Variants in CPQ observed in about 807,000 individuals in gnomAD.
CPQ encodes carboxypeptidase Q.
CPQ carries 37 observed loss-of-function variants against 45.7 expected under a neutral mutation model. The ratio of observed to expected loss-of-function variants is 0.81; its 90% CI spans 0.62 to 1.07. The LOEUF (loss-of-function observed/expected upper bound fraction) is 1.07. Ranked by LOEUF, CPQ falls within the 50% of genes least tolerant of loss-of-function variation. CPQ has a pLI of 0.00. For synonymous variants in CPQ, 186 were observed against 205.8 expected, an observed-to-expected ratio of 0.90 and a Z score of 0.82; for missense variants, 537 against 572.9, an observed-to-expected ratio of 0.94 and a Z score of 0.64.
intron 1 of CPQ, among the ~76,000 whole-genome samples, chr8:96,691,565 G>A (rs1222475150): frequency 6.6e-6 from 1 of 152,056 alleles, no homozygotes. Context: ...ACACTGTTCT[G>A]GGGGTTTCAG....
At position 97,072,811 on chromosome 8, in the gene CPQ, G is replaced by A. The variant is rs1184770016; in HGVS notation, c.1255+6601G>A. Among the ~76,000 whole-genome samples the A allele has an allele frequency of 1.3e-4, 20 of 152,076 alleles. 1 individual carries two copies. The highest frequency in any genetic ancestry group is 5.2e-4 in the Admixed American group (8 of 15,258). On this transcript the variant is annotated intron_variant, in intron 7 of 7. Coordinates refer to ENST00000220763, the MANE Select transcript of CPQ (RefSeq NM_016134.4). ...GAGTAAATGTCCCCTGGGTACACTC[G>A]TACAATGCCCTGTGTTCACCTCTCC...
chr8:97,107,835 G>C (rs1444535405), intron 7 of CPQ, among the ~76,000 whole-genome samples: 1 of 151,338 alleles, frequency 6.6e-6, no homozygotes, highest in Admixed American at 6.6e-5. Context: ...ATCCAGTAGA[G>C]TGGGAAATAG....
chr8:96,886,931 C>G (rs1586438856), intron 4 of CPQ, among the ~76,000 whole-genome samples: 1 of 152,150 alleles, frequency 6.6e-6, no homozygotes, highest in Non-Finnish European at 1.5e-5. Context: ...CTTAGAGCAC[C>G]CCTGAAGGAG....
intron 5 of CPQ, among the ~76,000 whole-genome samples, chr8:96,986,350 T>C (rs113692312): frequency 0.026 from 3,909 of 152,316 alleles, 110 homozygotes; most frequent in African/African-American, 0.072. Flanking sequence ...TATGGTTTAT[T>C]AGTGATTCTT....
intron 5 of CPQ, among the ~76,000 whole-genome samples, chr8:96,974,701 T>C (rs1356936962): frequency 6.6e-6 from 1 of 151,996 alleles, no homozygotes; most frequent in Non-Finnish European, 1.5e-5. Flanking sequence ...CGAAATCAAC[T>C]CCAAGAGGAA....
At chr8:97,109,930 T>A (rs1224255587) in intron 7 of CPQ, among the ~76,000 whole-genome samples, 3 of 152,164 alleles carry the variant, frequency 2.0e-5, no homozygotes, top group Non-Finnish European at 4.4e-5. Flanking sequence ...TGGAGCCTTC[T>A]TGAGGCAGCA....
chr8:97,061,000 C>T (rs138243713), intron 6 of CPQ, among the ~76,000 whole-genome samples: 36 of 152,202 alleles, frequency 2.4e-4, no homozygotes, highest in African/African-American at 7.9e-4. Context: ...GTGTCATGGA[C>T]GGTGGGTAGT....
At chr8:96,746,324 A>G (rs1219498929) in intron 1 of CPQ, among the ~76,000 whole-genome samples, 3 of 152,212 alleles carry the variant, frequency 2.0e-5, no homozygotes, top group Non-Finnish European at 4.4e-5. Flanking sequence ...TAAAATACAA[A>G]TATTTCTACA....
intron 1 of CPQ, among the ~76,000 whole-genome samples, chr8:96,728,968 C>T (rs1423208115): frequency 6.6e-6 from 1 of 152,100 alleles, no homozygotes; most frequent in African/African-American, 2.4e-5. Context: ...ACAAACAAAC[C>T]TCAAAGCCCA....
At position 96,720,070 on chromosome 8, in the gene CPQ, C is replaced by T. The variant is rs182114250; in HGVS notation, c.-34-64794C>T. Among the ~76,000 whole-genome samples the T allele has an allele frequency of 1.1e-4, 17 of 152,300 alleles. No homozygotes were observed. In the East Asian group the frequency reaches 2.9e-3, roughly 26 times the overall value. ...TGTGAATCTCTGTGCACTATTTTGT[C>T]TTTCCAAATGGAAGAAGCATGCCAC... On this transcript the variant is annotated intron_variant, in intron 1 of 7. Transcript: ENST00000220763.
intron 5 of CPQ, among the ~76,000 whole-genome samples, chr8:97,001,932 CT>C (rs1242572384): frequency 4.6e-5 from 7 of 151,642 alleles, no homozygotes; most frequent in African/African-American, 1.7e-4. Flanking sequence ...TTATTACTAC[CT>C]CAATTTCAGA....
At chr8:96,881,540 G>T (rs1047485057) in intron 4 of CPQ, among the ~76,000 whole-genome samples, 1 of 152,138 alleles carries the variant, frequency 6.6e-6, no homozygotes, top group Admixed American at 6.5e-5. Context: ...TGAGATTTGG[G>T]CAGGGACACA....
chr8:97,063,146 TTTTTTAG>T (rs1810580005), intron 6 of CPQ, among the ~76,000 whole-genome samples: 1 of 152,122 alleles, frequency 6.6e-6, no homozygotes. Context: ...AGCATGTACT[TTTTTTAG>T]TTTTTAATAG....
chr8:96,743,704 C>T (rs1810129407), intron 1 of CPQ, among the ~76,000 whole-genome samples: 2 of 152,176 alleles, frequency 1.3e-5, no homozygotes, highest in African/African-American at 4.8e-5. Flanking sequence ...GGACAGGACC[C>T]TCAGCTGCAG....
rs201590837 is a variant in CPQ, at chr8:97,089,115, C to T, written c.1255+22905C>T. ...AAAATTAGCCAGGTGTGGTGGCACACGCCTGTAGTCCCAGCTACTCAGGAG... is the reference window on the plus strand; with the variant it reads ...AAAATTAGCCAGGTGTGGTGGCACATGCCTGTAGTCCCAGCTACTCAGGAG... On this transcript the variant is annotated intron_variant, in intron 7 of 7. Coordinates refer to ENST00000220763, the MANE Select transcript of CPQ (RefSeq NM_016134.4). 3.7e-4 allele frequency among the ~76,000 whole-genome samples: 56 copies of T among 151,814 alleles called. 2 individuals carry two copies. In the East Asian group the frequency reaches 9.9e-3, roughly 27 times the overall value.
intron 7 of CPQ, among the ~76,000 whole-genome samples, chr8:97,111,948 G>A (rs1811503993): frequency 6.6e-6 from 1 of 151,950 alleles, no homozygotes. Flanking sequence ...GTCTTCTCTT[G>A]CCATTGTCCA....
intron 3 of CPQ, among the ~76,000 whole-genome samples, chr8:96,860,597 T>C (rs896250203): frequency 1.3e-5 from 2 of 152,092 alleles, no homozygotes; most frequent in African/African-American, 4.8e-5. Context: ...GTGGGAAAGA[T>C]TGGAGCTGGT....
intron 1 of CPQ, among the ~76,000 whole-genome samples, chr8:96,694,153 A>G (rs549591049): frequency 6.6e-6 from 1 of 152,266 alleles, no homozygotes; most frequent in Admixed American, 6.5e-5. Flanking sequence ...ACATAGCACC[A>G]GATAAAATGA....
At chr8:96,748,080 A>C (rs1471192840) in intron 1 of CPQ, among the ~76,000 whole-genome samples, 1 of 152,038 alleles carries the variant, frequency 6.6e-6, no homozygotes, top group Non-Finnish European at 1.5e-5. Context: ...TACTATTTTC[A>C]TTTTTTATGT....
Sources: allele counts gnomAD v4.1 joint callset (sites outside exome capture counted in the v4.1 genomes callset), GRCh38; gene constraint gnomAD v4.1.1; transcripts MANE v1.5; gene names NCBI Gene and HGNC (gene_info 2026-07-23, HGNC 2026-07-21).